Variants in RADIL observed in about 807,000 individuals in gnomAD.
RADIL encodes the protein ras-associating and dilute domain-containing protein.
Under a neutral mutation model 97.6 loss-of-function variants are expected in RADIL, and 99 were observed. The observed-to-expected ratio is 1.01, with a 90% CI of 0.86 to 1.20. The LOEUF (loss-of-function observed/expected upper bound fraction) is 1.20, where lower values mean the gene tolerates loss of function less well. Ranked by LOEUF, RADIL falls within the 50% of genes most tolerant of loss-of-function variation. The pLI is 0.00. For missense variants in RADIL, 1,765 were observed against 1,498.9 expected, an observed-to-expected ratio of 1.18 and a Z score of -2.93; for synonymous variants, 803 against 691.8, an observed-to-expected ratio of 1.16 and a Z score of -2.52.
At chr7:4,862,686 A>T (rs1784044144) in intron 2 of RADIL, among the ~76,000 whole-genome samples, 2 of 152,146 alleles carry the variant, frequency 1.3e-5, no homozygotes, top group Admixed American at 1.3e-4. Flanking sequence ...AGATCACCTG[A>T]GGTCAGGAGT....
At chr7:4,881,634 G>T (rs1784489480) in intron 1 of RADIL, among the ~76,000 whole-genome samples, 1 of 151,198 alleles carries the variant, frequency 6.6e-6, no homozygotes, top group South Asian at 2.1e-4. Context: ...GGCTGAGGCA[G>T]GAGAATCGCT....
rs143444829 is a variant in RADIL at position 4,839,162 on chromosome 7, G to A, written c.536-2557C>T. Among the ~76,000 whole-genome samples, 252 of 152,178 alleles carry A rather than the reference G, an allele frequency of 1.7e-3. 2 individuals carry two copies. Among genetic ancestry groups the A allele is most frequent in the African/African-American group, 5.5e-3 (230 of 41,510 alleles). On this transcript the variant is annotated intron_variant, in intron 2 of 14. Transcript: ENST00000399583. ...ACACATGATATGACGCGTTGGCTCA[G>A]TTTTTTTTAAAAGCACCTAAAACAC...
At chr7:4,805,948 G>A (rs920373009) in intron 9 of RADIL, 1 of 985,300 alleles carries the variant, frequency 1.0e-6, no homozygotes, top group African/African-American at 1.7e-5. Context: ...GGAACCCCCT[G>A]CCCAGGGAAC....
At position 4,840,938 on chromosome 7, in the gene RADIL, G is replaced by C. The variant is rs1783424583; in HGVS notation, c.536-4333C>G. ...CCTGAGATCGCACCACTGCACTCCA[G>C]CCTGGGTGACAGAGCGAGACTCCGT... On this transcript the variant is annotated intron_variant, in intron 2 of 14. Coordinates refer to ENST00000399583, the MANE Select transcript of RADIL (RefSeq NM_018059.5). This position sits in a 1 kb window ranked among gnomAD's most constrained non-coding sequence, Gnocchi z 5.6. 6.6e-6 allele frequency among the ~76,000 whole-genome samples: 1 copy of C among 152,230 alleles called. No individual in the cohort carries two copies. The highest frequency in any genetic ancestry group is 2.1e-4 in the South Asian group (1 of 4,834).
rs1166469187 is a variant in RADIL at position 4,836,515 on chromosome 7, G to A, written c.626C>T (p.Pro209Leu). ...CTCACTGACTGTGCGGCGCAACCGG[G>A]GTGGAGGAGAGCTCCGGGCATCCCC... ...ALGDARSSPP[P>L]RLRRTVSETS... Residue 209 changes from proline (P) to leucine (L), a missense_variant, in exon 3 of 15, where the codon CCC becomes CTC. By Grantham distance (98) the Pro-to-Leu change is moderately conservative. Coordinates refer to ENST00000399583, the MANE Select transcript of RADIL (RefSeq NM_018059.5). The A allele has an allele frequency of 1.2e-6, 2 of 1,607,544 alleles. No individual in the cohort carries two copies. Among genetic ancestry groups the A allele is most frequent in the South Asian group, 2.2e-5 (2 of 90,848 alleles).
In RADIL at chr7:4,799,438, C is replaced by T. The variant is rs1294045838; in HGVS notation, c.3168G>A (p.Leu1056=). ...CTGTTTCCACGTCGGACTTCGCGACCAGGAACCGCATCTTCTTCCCGCCAT... is the reference window on the plus strand; with the variant it reads ...CTGTTTCCACGTCGGACTTCGCGACTAGGAACCGCATCTTCTTCCCGCCAT... ...IRHGGKKMRF[L]VAKSDVETAK... is the part of the protein sequence containing the mutation. Residue 1056 remains leucine (L), a synonymous_variant, in exon 15 of 15, where the codon CTG becomes CTA. Coordinates refer to ENST00000399583, the MANE Select transcript of RADIL (RefSeq NM_018059.5). 3.1e-6 allele frequency: 5 copies of T among 1,613,824 alleles called. No homozygotes were observed. The Admixed American group carries it at 8.3e-5, about 27-fold the overall frequency.
Position 4,805,560 on chromosome 7 carries a change from G to A in RADIL, c.2290+6C>T. 1 of 1,590,390 alleles carries A rather than the reference G, an allele frequency of 6.3e-7. No individual in the cohort carries two copies. Among genetic ancestry groups the A allele is most frequent in the Non-Finnish European group, 8.6e-7 (1 of 1,166,468 alleles). ...CAGCCCTCTCCTGCCCTGGGGCAGG[G>A]CTTACCTGACCTGAAGGCCTCGGGG... On this transcript the variant is annotated splice_donor_region_variant and intron_variant, in intron 10 of 14. Transcript: ENST00000399583.
rs1781994774 is a variant in RADIL, at chr7:4,799,254, G to A, written c.*124C>T. 1 of 796,174 alleles carries A rather than the reference G, an allele frequency of 1.3e-6. No individual in the cohort carries two copies. Among genetic ancestry groups the A allele is most frequent in the Non-Finnish European group, 2.1e-6 (1 of 481,276 alleles). The allele number at this position is 796,174 out of a possible 1,614,324, so 49.3% of individuals were successfully genotyped here. The stretch of plus-strand genomic sequence containing the variant: ...CATGTTATCAACAGGCATGTCCCCA[G>A]GGTGAGGCTCCCCACCCGGGACCCA... On this transcript the variant is annotated 3_prime_UTR_variant, in exon 15 of 15. Coordinates refer to ENST00000399583, the MANE Select transcript of RADIL (RefSeq NM_018059.5).
intron 7 of RADIL, among the ~76,000 whole-genome samples, chr7:4,816,963 C>G (rs191649992): frequency 6.6e-6 from 1 of 152,158 alleles, no homozygotes; most frequent in Non-Finnish European, 1.5e-5. Context: ...TCATCCCTGA[C>G]CCTCGAAATA....
At chr7:4,808,664 C>CT in intron 9 of RADIL, 1 of 951,180 alleles carries the variant, frequency 1.1e-6, no homozygotes, top group East Asian at 1.1e-4. Flanking sequence ...CCCTCCGCGT[C>CT]CCCTTCCGAC....
rs1784349883 is a variant in RADIL at position 4,875,272 on chromosome 7, A to G, written c.535+2333T>C. ...CGGGCGTGGTGGTGGTGCATGCCGT[A>G]ATCCCAGCTATTCAGGAGGCTGAGG... On this transcript the variant is annotated intron_variant, in intron 2 of 14. Coordinates refer to ENST00000399583, the MANE Select transcript of RADIL (RefSeq NM_018059.5). 1.4e-5 allele frequency among the ~76,000 whole-genome samples: 2 copies of G among 147,280 alleles called. 1 individual carries two copies. The highest frequency in any genetic ancestry group is 1.3e-4 in the Admixed American group (2 of 15,002).
At position 4,877,921 on chromosome 7, in the gene RADIL, GCAGA is replaced by G; in HGVS notation, c.215_218del (p.Val72AlafsTer21). On this transcript the variant is annotated frameshift_variant, in exon 2 of 15. Transcript: ENST00000399583. LOFTEE classifies it high-confidence loss of function. ...GGACGCTCTTGTAGTGGGTTCCTGTGCAGACACTGTCCCCAAACACCTTCAGGAC... is the reference window on the plus strand; with the variant it reads ...GGACGCTCTTGTAGTGGGTTCCTGTGCACTGTCCCCAAACACCTTCAGGAC... The G allele has an allele frequency of 1.9e-6, 3 of 1,607,308 alleles. No homozygotes were observed. The highest frequency in any genetic ancestry group is 2.5e-6 in the Non-Finnish European group (3 of 1,179,958).
At chr7:4,816,105 G>T in intron 8 of RADIL, 123 bp downstream of exon 8, 1 of 858,120 alleles carries the variant, frequency 1.2e-6, no homozygotes, top group South Asian at 1.6e-5. Flanking sequence ...GACACCAGAC[G>T]CTCAGGGAGC....
At chr7:4,865,720 G>T in intron 2 of RADIL, 2 of 1,063,082 alleles carry the variant, frequency 1.9e-6, no homozygotes, top group Non-Finnish European at 2.9e-6. Context: ...ATCTTCTACG[G>T]GGTGGGTGCA....
chr7:4,856,152 C>T (rs1477389128), intron 2 of RADIL, among the ~76,000 whole-genome samples: 1 of 151,552 alleles, frequency 6.6e-6, no homozygotes, highest in Non-Finnish European at 1.5e-5. Flanking sequence ...GGCTGGAGCG[C>T]AGTGGCTTGA....
chr7:4,826,285 G>A (rs1782973533), intron 5 of RADIL, among the ~76,000 whole-genome samples: 3 of 152,118 alleles, frequency 2.0e-5, no homozygotes, highest in Admixed American at 2.0e-4. Context: ...AAAGCAAGCT[G>A]AAGCTGGAAT....
At chr7:4,828,350 T>C (rs933744183) in intron 5 of RADIL, among the ~76,000 whole-genome samples, 11 of 152,170 alleles carry the variant, frequency 7.2e-5, no homozygotes, top group African/African-American at 2.4e-4. Context: ...TCCCAGCTGC[T>C]TGAAGGCTGA....
At position 4,814,956 on chromosome 7, in the gene RADIL, G is replaced by A. The variant is rs1325080631; in HGVS notation, c.2139+322C>T. Among the ~76,000 whole-genome samples the A allele has an allele frequency of 1.3e-5, 2 of 152,194 alleles. No individual in the cohort carries two copies. Among genetic ancestry groups the A allele is most frequent in the Non-Finnish European group, 2.9e-5 (2 of 68,000 alleles). On this transcript the variant is annotated intron_variant, in intron 9 of 14. Coordinates refer to ENST00000399583, the MANE Select transcript of RADIL (RefSeq NM_018059.5). This position sits in a 1 kb window ranked among gnomAD's most constrained non-coding sequence, Gnocchi z 4.5. ...CTTCTGGACTTGTCTGAGTGGACTG[G>A]GCCACCCGGATACCCAGGTCATCTC... is the stretch of plus-strand genomic sequence containing the variant.
At chr7:4,860,451 T>C in intron 2 of RADIL, 10 of 1,614,218 alleles carry the variant, frequency 6.2e-6, no homozygotes, top group Non-Finnish European at 8.5e-6. Context: ...AGATCAATGC[T>C]GAGAATTTCA....
Sources: allele counts gnomAD v4.1 joint callset (sites outside exome capture counted in the v4.1 genomes callset), GRCh38; gene constraint gnomAD v4.1.1; non-coding constraint Gnocchi (gnomAD v3.1); transcripts MANE v1.5; gene names NCBI Gene and HGNC (gene_info 2026-07-23, HGNC 2026-07-21).